The following SEMA6D variants were observed in gnomAD, a reference collection of about 807,000 sequenced individuals.
SEMA6D encodes the protein semaphorin-6D.
SEMA6D carries 35 observed loss-of-function variants against 106.6 expected under a neutral mutation model. The ratio of observed to expected loss-of-function variants is 0.33; its 90% CI spans 0.25 to 0.44. The LOEUF (loss-of-function observed/expected upper bound fraction) is 0.44. Ranked by LOEUF, SEMA6D falls within the 20% of genes least tolerant of loss-of-function variation. SEMA6D has a pLI of 1.00. For missense variants in SEMA6D, 1,185 were observed against 1,345.9 expected (o/e 0.88, Z 1.87); for synonymous variants, 499 against 487.7 (o/e 1.02, Z -0.31).
chr15:47,346,412 A>T (rs559613694), intron 1 of SEMA6D, among the ~76,000 whole-genome samples: 2 of 152,174 alleles, frequency 1.3e-5, no homozygotes, highest in Non-Finnish European at 2.9e-5. Flanking sequence ...TCTGGGCCAC[A>T]TGTGGAAAAC....
intron 1 of SEMA6D, among the ~76,000 whole-genome samples, chr15:47,314,522 C>T (rs1043010255): frequency 8.4e-5 from 11 of 130,822 alleles, no homozygotes; most frequent in African/African-American, 2.1e-4. Flanking sequence ...GGCGTGAACC[C>T]GGGAGGCGGA....
At chr15:47,431,397 T>C (rs1458148510) in intron 2 of SEMA6D, among the ~76,000 whole-genome samples, 1 of 152,130 alleles carries the variant, frequency 6.6e-6, no homozygotes, top group Non-Finnish European at 1.5e-5. Flanking sequence ...ATTTCAAACA[T>C]TACCTGGAGA....
chr15:47,346,883 A>C (rs1201952384), intron 1 of SEMA6D, among the ~76,000 whole-genome samples: 2 of 151,878 alleles, frequency 1.3e-5, no homozygotes, highest in East Asian at 3.9e-4. Flanking sequence ...TTGTGATTCC[A>C]CTGAAGTATA....
chr15:47,552,424 G>A (rs931213306), intron 3 of SEMA6D, among the ~76,000 whole-genome samples: 4 of 150,946 alleles, frequency 2.6e-5, no homozygotes, highest in East Asian at 4.0e-4. Context: ...GCAATAAAAA[G>A]GAAAGAAAGT....
intron 1 of SEMA6D, among the ~76,000 whole-genome samples, chr15:47,748,488 G>A (rs979391920): frequency 4.6e-5 from 7 of 152,234 alleles, no homozygotes; most frequent in African/African-American, 1.4e-4. Flanking sequence ...GGAGTGACAA[G>A]TTCTGCAATG....
chr15:47,741,710 A>G (rs612007), intron 1 of SEMA6D, among the ~76,000 whole-genome samples: 95,853 of 151,888 alleles, frequency 0.63, 30,657 homozygotes, highest in Middle Eastern at 0.69. Flanking sequence ...GCAAAACTCC[A>G]TCTAAAAAAA....
intron 4 of SEMA6D, among the ~76,000 whole-genome samples, chr15:47,613,716 C>A (rs368553262): frequency 1.3e-5 from 2 of 152,036 alleles, no homozygotes; most frequent in African/African-American, 4.8e-5. Context: ...TGTGGTGGCG[C>A]GATCTCAGCT....
chr15:47,361,974 A>C (rs2038827236), intron 1 of SEMA6D, among the ~76,000 whole-genome samples: 1 of 152,238 alleles, frequency 6.6e-6, no homozygotes, highest in African/African-American at 2.4e-5. Context: ...AAGATTTAAA[A>C]ACATTAAAAC....
intron 1 of SEMA6D, among the ~76,000 whole-genome samples, chr15:47,358,290 G>A (rs534861551): frequency 1.3e-5 from 2 of 152,320 alleles, no homozygotes; most frequent in South Asian, 2.1e-4. Context: ...TGGAAGACCC[G>A]CTATGGATGT....
At chr15:47,417,457 GAGAA>G (rs1476190598) in intron 2 of SEMA6D, among the ~76,000 whole-genome samples, 1 of 151,650 alleles carries the variant, frequency 6.6e-6, no homozygotes, top group Admixed American at 6.6e-5. Context: ...GAGAGAGAGA[GAGAA>G]TATCAATGTC....
At chr15:47,226,150 C>G (rs908956527) in intron 1 of SEMA6D, among the ~76,000 whole-genome samples, 4 of 152,008 alleles carry the variant, frequency 2.6e-5, no homozygotes, top group African/African-American at 9.7e-5. Context: ...ATAAAGGTAG[C>G]TATTAAGGTA....
intron 3 of SEMA6D, among the ~76,000 whole-genome samples, chr15:47,528,056 T>G (rs757298381): frequency 6.6e-6 from 1 of 152,210 alleles, no homozygotes; most frequent in Non-Finnish European, 1.5e-5. Context: ...CCACTTCAGC[T>G]CTTCATGCTT....
intron 1 of SEMA6D, among the ~76,000 whole-genome samples, chr15:47,732,936 C>T (rs2080217661): frequency 6.6e-6 from 1 of 152,188 alleles, no homozygotes; most frequent in South Asian, 2.1e-4. Flanking sequence ...GCCAGATTAA[C>T]ACTTTGAAAC....
At chr15:47,329,367 C>G (rs1433108607) in intron 1 of SEMA6D, among the ~76,000 whole-genome samples, 2 of 152,126 alleles carry the variant, frequency 1.3e-5, no homozygotes, top group Admixed American at 6.5e-5. Flanking sequence ...GAACCTGTAA[C>G]AAAGGCAGCA....
chr15:47,471,108 A>T (rs1454263202), intron 3 of SEMA6D, among the ~76,000 whole-genome samples: 1 of 152,276 alleles, frequency 6.6e-6, no homozygotes, highest in Admixed American at 6.5e-5. Context: ...CTGTGAGTGG[A>T]CATGTGGCTG....
intron 3 of SEMA6D, among the ~76,000 whole-genome samples, chr15:47,472,742 A>G (rs1384129527): frequency 1.2e-4 from 18 of 152,204 alleles, no homozygotes; most frequent in Admixed American, 1.2e-3. Context: ...CACATATATA[A>G]AGGAGAGATA....
At chr15:47,319,551 C>A (rs1198739634) in intron 1 of SEMA6D, among the ~76,000 whole-genome samples, 1 of 151,942 alleles carries the variant, frequency 6.6e-6, no homozygotes, top group Non-Finnish European at 1.5e-5. Flanking sequence ...CCCCCCACCC[C>A]AGGGAGAAAA....
chr15:47,519,422 T>C (rs907922746), intron 3 of SEMA6D, among the ~76,000 whole-genome samples: 1 of 152,180 alleles, frequency 6.6e-6, no homozygotes, highest in Non-Finnish European at 1.5e-5. Context: ...CAAAATATTA[T>C]GAAGAGCATT....
chr15:47,239,557 A>G (rs990769818), intron 1 of SEMA6D, among the ~76,000 whole-genome samples: 1 of 152,176 alleles, frequency 6.6e-6, no homozygotes, highest in Non-Finnish European at 1.5e-5. Context: ...GGATTGAGAA[A>G]CATGAAGATC....
Sources: allele counts gnomAD v4.1 joint callset (sites outside exome capture counted in the v4.1 genomes callset), GRCh38; gene constraint gnomAD v4.1.1; transcripts MANE v1.5; gene names NCBI Gene and HGNC (gene_info 2026-07-23, HGNC 2026-07-21).